Variants in SUMF1 observed in about 807,000 individuals in gnomAD.
SUMF1 encodes the protein sulfatase modifying factor 1, also known as formylglycine-generating enzyme.
SUMF1 carries 48 observed loss-of-function variants against 47.6 expected under a neutral mutation model. The observed-to-expected ratio is 1.01, with a 90% CI of 0.80 to 1.28. The LOEUF is 1.28. Ranked by LOEUF, SUMF1 falls within the 50% of genes most tolerant of loss-of-function variation. The pLI is 0.00. For synonymous variants in SUMF1, 230 were observed against 192.1 expected (o/e 1.20, Z -1.63); for missense variants, 571 against 485.4 (o/e 1.18, Z -1.66).
At chr3:4,281,034 TA>T (rs1394285401) in intron 8 of SUMF1, among the ~76,000 whole-genome samples, 1 of 151,856 alleles carries the variant, frequency 6.6e-6, no homozygotes, top group Non-Finnish European at 1.5e-5. Context: ...TTGAGTGGGG[TA>T]ACAGTGGGGG....
At chr3:4,092,176 A>G (rs1246888063) in intron 8 of SUMF1, among the ~76,000 whole-genome samples, 5 of 152,120 alleles carry the variant, frequency 3.3e-5, no homozygotes, top group East Asian at 3.9e-4. Flanking sequence ...GCTCACTATC[A>G]TAATCTCCTC....
intron 8 of SUMF1, among the ~76,000 whole-genome samples, chr3:4,080,273 T>C (rs530409163): frequency 6.6e-6 from 1 of 152,120 alleles, no homozygotes; most frequent in Admixed American, 6.5e-5. Context: ...CACCAAAAGA[T>C]TATACCATTA....
At chr3:4,451,898 T>C (rs1420497370) in intron 2 of SUMF1, among the ~76,000 whole-genome samples, 1 of 152,130 alleles carries the variant, frequency 6.6e-6, no homozygotes, top group Non-Finnish European at 1.5e-5. Flanking sequence ...TTAGCCAGGA[T>C]GGTCTCGATC....
intron 8 of SUMF1, among the ~76,000 whole-genome samples, chr3:4,332,238 A>G (rs1046201066): frequency 1.6e-4 from 24 of 152,344 alleles, no homozygotes; most frequent in African/African-American, 5.3e-4. Flanking sequence ...TATATTTATA[A>G]GATTCTTCAT....
intron 8 of SUMF1, among the ~76,000 whole-genome samples, chr3:4,328,664 G>A (rs1698992877): frequency 6.6e-6 from 1 of 150,800 alleles, no homozygotes; most frequent in South Asian, 2.4e-4. Context: ...AGATTTGGGT[G>A]GGGACATAGT....
intron 7 of SUMF1, among the ~76,000 whole-genome samples, chr3:4,377,753 T>A (rs1259871581): frequency 6.6e-6 from 1 of 152,160 alleles, no homozygotes; most frequent in Non-Finnish European, 1.5e-5. Flanking sequence ...TACCAATAAA[T>A]AGGCTCTAAT....
At chr3:4,277,816 G>T (rs574422214) in intron 8 of SUMF1, among the ~76,000 whole-genome samples, 2 of 152,200 alleles carry the variant, frequency 1.3e-5, no homozygotes, top group Admixed American at 1.3e-4. Context: ...AGCCTAGGAA[G>T]AGCTTCCTCT....
chr3:4,249,066 T>C (rs1022433549), intron 8 of SUMF1, among the ~76,000 whole-genome samples: 6 of 152,200 alleles, frequency 3.9e-5, no homozygotes, highest in African/African-American at 1.4e-4. Context: ...ACTTGGCCCA[T>C]GAGGCACATG....
At chr3:4,440,156 A>C (rs1253585100) in intron 3 of SUMF1, among the ~76,000 whole-genome samples, 2 of 150,814 alleles carry the variant, frequency 1.3e-5, no homozygotes, top group South Asian at 2.1e-4. Flanking sequence ...GAATCACTTG[A>C]ACCCAGGAGG....
At chr3:4,425,669 A>G (rs1209787005) in intron 3 of SUMF1, among the ~76,000 whole-genome samples, 1 of 152,216 alleles carries the variant, frequency 6.6e-6, no homozygotes, top group Non-Finnish European at 1.5e-5. Context: ...ATCTACACAT[A>G]AACTAACCCA....
chr3:4,107,258 G>T (rs1693179301), intron 8 of SUMF1, among the ~76,000 whole-genome samples: 2 of 152,140 alleles, frequency 1.3e-5, no homozygotes, highest in African/African-American at 4.8e-5. Context: ...CTGAATAAAT[G>T]GGAAGATAAT....
intron 8 of SUMF1, among the ~76,000 whole-genome samples, chr3:4,235,023 C>T (rs1325629778): frequency 6.6e-6 from 1 of 152,116 alleles, no homozygotes; most frequent in Admixed American, 6.6e-5. Flanking sequence ...ATCACTCCGG[C>T]TGCAGTTGGG....
intron 7 of SUMF1, among the ~76,000 whole-genome samples, chr3:4,408,298 A>G (rs1399747516): frequency 6.6e-6 from 1 of 152,250 alleles, no homozygotes; most frequent in African/African-American, 2.4e-5. Context: ...GACGATATCA[A>G]GCATTGATGA....
chr3:4,217,759 T>G lies in SUMF1; in HGVS notation c.1015-149014A>C, dbSNP rs887000559. ...AACCACAAAATTTCTTAGCTATTTTTTTTTAAAACACAAGAAAAGAATAAG... is the reference window on the plus strand; with the variant it reads ...AACCACAAAATTTCTTAGCTATTTTGTTTTAAAACACAAGAAAAGAATAAG... On this transcript the variant is annotated intron_variant and NMD_transcript_variant, in intron 8 of 12. Coordinates refer to the SUMF1 transcript ENST00000448413. Among the ~76,000 whole-genome samples, 116 of 151,160 alleles carry G rather than the reference T, an allele frequency of 7.7e-4. 1 individual carries two copies. The highest frequency in any genetic ancestry group is 1.1e-3 in the Non-Finnish European group (74 of 67,868).
At chr3:4,111,666 G>A (rs760874024) in intron 8 of SUMF1, among the ~76,000 whole-genome samples, 46 of 152,082 alleles carry the variant, frequency 3.0e-4, no homozygotes, top group Non-Finnish European at 5.4e-4. Context: ...TTGAACCCAG[G>A]GGGCAGAGGT....
At position 4,330,692 on chromosome 3, in the gene SUMF1, G is replaced by C. The variant is rs370211190; in HGVS notation, c.1014+45638C>G. ...GGCCAGATGAATTTGTCACTCAACT[G>C]TCTTTTTTTCCAGCTCATTCAAAAG... is the stretch of plus-strand genomic sequence containing the variant. On this transcript the variant is annotated intron_variant and NMD_transcript_variant, in intron 8 of 12. Transcript: ENST00000448413. Among the ~76,000 whole-genome samples the C allele has an allele frequency of 5.3e-5, 8 of 152,240 alleles. No homozygotes were observed. In the South Asian group the frequency reaches 8.3e-4, roughly 16 times the overall value.
chr3:4,462,643 C>T (rs2258471), intron 1 of SUMF1, among the ~76,000 whole-genome samples: 30,214 of 152,098 alleles, frequency 0.2, 3,928 homozygotes, highest in Non-Finnish European at 0.3. Context: ...CTTCTTTCCT[C>T]TCCTCAACCT....
At chr3:4,150,405 A>G (rs1259750879) in intron 8 of SUMF1, among the ~76,000 whole-genome samples, 1 of 151,534 alleles carries the variant, frequency 6.6e-6, no homozygotes, top group Non-Finnish European at 1.5e-5. Flanking sequence ...CTACTAAAAC[A>G]CAAAAAATTA....
chr3:4,273,445 A>G (rs937098896), intron 8 of SUMF1, among the ~76,000 whole-genome samples: 1 of 152,094 alleles, frequency 6.6e-6, no homozygotes, highest in Non-Finnish European at 1.5e-5. Context: ...TTCCATTTAT[A>G]TGAAATGTCT....
Sources: allele counts gnomAD v4.1 joint callset (sites outside exome capture counted in the v4.1 genomes callset), GRCh38; gene constraint gnomAD v4.1.1; transcripts MANE v1.5; gene names NCBI Gene and HGNC (gene_info 2026-07-23, HGNC 2026-07-21).